The following PCDH7 variants were observed in gnomAD, a reference collection of about 807,000 sequenced individuals.
The protein encoded by PCDH7 is protocadherin-7.
Under a neutral mutation model 58.9 loss-of-function variants are expected in PCDH7, and 17 were observed. The observed-to-expected ratio is 0.29, with a 90% CI of 0.20 to 0.43. The LOEUF (loss-of-function observed/expected upper bound fraction) is 0.43, where lower values mean the gene tolerates loss of function less well. PCDH7 is among the 20% of genes least tolerant of loss of function. The probability of loss-of-function intolerance (pLI) is 1.00; values close to 1 mark genes in which losing one functional copy is unlikely to be tolerated. For missense variants in PCDH7, 1,274 were observed against 1,441.0 expected (o/e 0.88, Z 1.88); for synonymous variants, 664 against 616.4 (o/e 1.08, Z -1.14).
chr4:30,918,751 A>G (rs1428786904), intron 1 of PCDH7, among the ~76,000 whole-genome samples: 1 of 152,168 alleles, frequency 6.6e-6, no homozygotes, highest in South Asian at 2.1e-4. Context: ...GTACACTTCA[A>G]ATAAGTACAT....
intron 3 of PCDH7, among the ~76,000 whole-genome samples, chr4:31,096,767 G>T (rs1057260670): frequency 6.6e-6 from 1 of 152,016 alleles, no homozygotes; most frequent in Admixed American, 6.6e-5. Flanking sequence ...GCAGATTCTG[G>T]GATCCTTGCT....
rs28482140 is a variant in PCDH7, at chr4:31,107,287, A to G, written c.*8-35186A>G. Among the ~76,000 whole-genome samples, 443 of 152,312 alleles carry G rather than the reference A, an allele frequency of 2.9e-3. 2 individuals carry two copies. Among genetic ancestry groups the G allele is most frequent in the African/African-American group, 9.8e-3 (409 of 41,578 alleles). On this transcript the variant is annotated intron_variant, in intron 3 of 3. Transcript: ENST00000509759. ...AAATGGTGATAGAAATGCATTTTGC[A>G]TTTCGATTCTTTTTTCTTTCTATCT...
intron 1 of PCDH7, among the ~76,000 whole-genome samples, chr4:30,913,876 A>T (rs1399422539): frequency 6.6e-6 from 1 of 152,174 alleles, no homozygotes; most frequent in African/African-American, 2.4e-5. Flanking sequence ...TGGATATGTC[A>T]CATAGTACAC....
At chr4:30,978,999 C>A (rs900665954) in intron 3 of PCDH7, among the ~76,000 whole-genome samples, 1 of 151,846 alleles carries the variant, frequency 6.6e-6, no homozygotes, top group African/African-American at 2.4e-5. Flanking sequence ...ATATTTAGAA[C>A]TCTTCAAGTT....
At chr4:30,763,192 G>A (rs1298152387) in intron 1 of PCDH7, among the ~76,000 whole-genome samples, 1 of 152,134 alleles carries the variant, frequency 6.6e-6, no homozygotes, top group Non-Finnish European at 1.5e-5. Flanking sequence ...ATTGCACTCC[G>A]GCCTGGGGAC....
chr4:30,816,050 T>C (rs1044359564), intron 1 of PCDH7, among the ~76,000 whole-genome samples: 1 of 152,194 alleles, frequency 6.6e-6, no homozygotes, highest in Non-Finnish European at 1.5e-5. Context: ...GGATCACTCT[T>C]CCAGTGAGAC....
At chr4:30,980,307 C>G (rs896696650) in intron 3 of PCDH7, among the ~76,000 whole-genome samples, 11 of 152,150 alleles carry the variant, frequency 7.2e-5, no homozygotes, top group Non-Finnish European at 1.6e-4. Flanking sequence ...AAACATGCTA[C>G]ATCATTATCA....
intron 3 of PCDH7, among the ~76,000 whole-genome samples, chr4:30,968,380 A>ATAGTGTG (rs1560541585): frequency 4.8e-4 from 22 of 45,660 alleles, no homozygotes; most frequent in African/African-American, 3.8e-3. Flanking sequence ...CACACACTAT[A>ATAGTGTG]TATATATATA....
chr4:30,797,380 C>T (rs562045661), intron 1 of PCDH7, among the ~76,000 whole-genome samples: 2 of 152,082 alleles, frequency 1.3e-5, no homozygotes, highest in East Asian at 3.9e-4. Flanking sequence ...TCACACCTTT[C>T]TCCTGCCTCA....
At position 31,014,283 on chromosome 4, in the gene PCDH7, G is replaced by T. The variant is rs58844173; in HGVS notation, c.*7+64068G>T. On this transcript the variant is annotated intron_variant, in intron 3 of 3. Coordinates refer to the PCDH7 transcript ENST00000509759. ...AGAATGAATTGTATATATTTAATGT[G>T]ATAATCATAAAAAATGAGACATTTA... is the stretch of plus-strand genomic sequence containing the variant. 2.7e-3 allele frequency among the ~76,000 whole-genome samples: 406 copies of T among 152,286 alleles called. 2 individuals carry two copies. The highest frequency in any genetic ancestry group is 9.4e-3 in the African/African-American group (389 of 41,566).
intron 3 of PCDH7, among the ~76,000 whole-genome samples, chr4:31,087,081 G>A (rs547273128): frequency 1.1e-4 from 16 of 152,252 alleles, no homozygotes; most frequent in Middle Eastern, 3.4e-3. Flanking sequence ...TCTGCATTGT[G>A]GGGAGCAAGT....
intron 3 of PCDH7, among the ~76,000 whole-genome samples, chr4:31,005,370 G>A (rs1752685099): frequency 6.6e-6 from 1 of 152,180 alleles, no homozygotes; most frequent in African/African-American, 2.4e-5. Context: ...GGTGCCACAG[G>A]GGCAGTGGTA....
intron 1 of PCDH7, among the ~76,000 whole-genome samples, chr4:30,744,223 T>C (rs1307174775): frequency 6.6e-6 from 1 of 152,152 alleles, no homozygotes; most frequent in African/African-American, 2.4e-5. Context: ...TCAACTTCAG[T>C]GTCCCAGCTG....
At chr4:30,951,429 T>C (rs1747358055) in intron 3 of PCDH7, among the ~76,000 whole-genome samples, 1 of 152,166 alleles carries the variant, frequency 6.6e-6, no homozygotes, top group Non-Finnish European at 1.5e-5. Context: ...TTTCATGATC[T>C]CACTTCTACC....
At chr4:30,961,195 C>A (rs1447443655) in intron 3 of PCDH7, among the ~76,000 whole-genome samples, 3 of 151,816 alleles carry the variant, frequency 2.0e-5, no homozygotes, top group African/African-American at 7.3e-5. Context: ...TAATGAGTTT[C>A]ATTAATATTA....
At chr4:30,862,021 G>A (rs1183117567) in intron 1 of PCDH7, among the ~76,000 whole-genome samples, 2 of 152,072 alleles carry the variant, frequency 1.3e-5, no homozygotes, top group Middle Eastern at 6.3e-3. Flanking sequence ...TAGTAAAGCT[G>A]AAAGGGACTA....
intron 1 of PCDH7, among the ~76,000 whole-genome samples, chr4:30,887,847 T>C (rs540450773): frequency 2.0e-5 from 3 of 151,286 alleles, no homozygotes; most frequent in African/African-American, 7.3e-5. Context: ...AGTATGGTCA[T>C]AGCCCATTTC....
chr4:30,935,946 C>G (rs1375576737), intron 2 of PCDH7, among the ~76,000 whole-genome samples: 1 of 152,008 alleles, frequency 6.6e-6, no homozygotes, highest in African/African-American at 2.4e-5. Flanking sequence ...TCTAAAGGCA[C>G]CACGTCATCA....
intron 1 of PCDH7, among the ~76,000 whole-genome samples, chr4:30,806,793 G>T (rs1366851650): frequency 6.6e-6 from 1 of 151,682 alleles, no homozygotes; most frequent in Non-Finnish European, 1.5e-5. Flanking sequence ...ATTTACTAAG[G>T]TCTTCAATCT....
Sources: gnomAD v4.1 joint callset for allele counts (sites outside exome capture counted in the v4.1 genomes callset) on GRCh38, gnomAD v4.1.1 for gene constraint, MANE v1.5 for transcripts, NCBI Gene and HGNC (gene_info 2026-07-23, HGNC 2026-07-21) for gene names.